USH2A: variants seen among roughly 807,000 people sequenced by gnomAD.
The protein encoded by USH2A is Usher syndrome 2A (autosomal recessive, mild).
Under a neutral mutation model 538.9 loss-of-function variants are expected in USH2A, and 443 were observed. The ratio of observed to expected loss-of-function variants is 0.82; its 90% CI spans 0.76 to 0.89. USH2A has a LOEUF of 0.89. Among genes scored for constraint, USH2A ranks in the 40% least tolerant of loss-of-function variants. USH2A has a pLI of 0.00. For synonymous variants in USH2A, 2,413 were observed against 2,273.5 expected (o/e 1.06, Z -1.75); for missense variants, 6,633 against 6,324.8 (o/e 1.05, Z -1.65).
At chr1:216,223,259 G>A (rs1022872820) in intron 14 of USH2A, among the ~76,000 whole-genome samples, 2 of 152,130 alleles carry the variant, frequency 1.3e-5, no homozygotes, top group African/African-American at 2.4e-5. Context: ...CTGATGTCCA[G>A]TTGCATGTTA....
At chr1:216,216,764 A>G (rs183573440) in intron 15 of USH2A, among the ~76,000 whole-genome samples, 1 of 152,308 alleles carries the variant, frequency 6.6e-6, no homozygotes, top group Admixed American at 6.5e-5. Flanking sequence ...AGATACTTAC[A>G]TGTAATCTTA....
intron 35 of USH2A, among the ~76,000 whole-genome samples, chr1:215,977,827 A>T (rs2102464198): frequency 6.6e-6 from 1 of 152,300 alleles, no homozygotes; most frequent in African/African-American, 2.4e-5. Flanking sequence ...AATTTAAAGT[A>T]ATTTAAAATA....
At chr1:216,039,256 T>A (rs932241463) in intron 32 of USH2A, among the ~76,000 whole-genome samples, 51 of 152,046 alleles carry the variant, frequency 3.4e-4, no homozygotes, top group Non-Finnish European at 4.1e-4. Context: ...TTCTGGAGTC[T>A]CTGGTCACAG....
intron 21 of USH2A, among the ~76,000 whole-genome samples, chr1:216,118,041 G>C (rs2033051033): frequency 6.6e-6 from 1 of 151,994 alleles, no homozygotes; most frequent in Non-Finnish European, 1.5e-5. Flanking sequence ...CTAGAGCCAA[G>C]CTTTCAAAAA....
At chr1:216,315,617 T>C (rs2037492309) in intron 9 of USH2A, among the ~76,000 whole-genome samples, 1 of 152,122 alleles carries the variant, frequency 6.6e-6, no homozygotes, top group South Asian at 2.1e-4. Flanking sequence ...ACACTTTTGA[T>C]GTAAAAAGAA....
At chr1:216,370,089 T>C (rs2038677023) in intron 3 of USH2A, among the ~76,000 whole-genome samples, 1 of 151,984 alleles carries the variant, frequency 6.6e-6, no homozygotes, top group African/African-American at 2.4e-5. Flanking sequence ...CCAGGCACAA[T>C]GGCGCGTGCC....
At chr1:216,073,893 A>G (rs1358141603) in intron 27 of USH2A, among the ~76,000 whole-genome samples, 1 of 152,234 alleles carries the variant, frequency 6.6e-6, no homozygotes, top group African/African-American at 2.4e-5. Flanking sequence ...ACATCAGCCT[A>G]CAGAAGAGCT....
intron 21 of USH2A, among the ~76,000 whole-genome samples, chr1:216,152,915 G>A (rs1415376447): frequency 6.6e-6 from 1 of 152,166 alleles, no homozygotes; most frequent in Admixed American, 6.5e-5. Context: ...GGCTCCATGA[G>A]CAGAAGAGCA....
chr1:216,240,549 G>GA (rs1255941155), intron 13 of USH2A, among the ~76,000 whole-genome samples: 1 of 149,866 alleles, frequency 6.7e-6, no homozygotes, highest in East Asian at 2.0e-4. Flanking sequence ...TAGAAAAGAA[G>GA]AAAGAATCTG....
Position 215,888,947 on chromosome 1 carries a change from T to C in USH2A, c.7702A>G (p.Ile2568Val), listed in dbSNP as rs1665140298. ...AAGTATAGACGGCCATGTAGATAAA[T>C]GTTATAATGGGTAATAACCCCATTG... The part of the protein sequence containing the change: ...KSNGVITHYN[I>V]YLHGRLYLRT... The change falls in exon 41 of 72, where the codon ATT becomes GTT. Residue 2568 changes from isoleucine to valine, a missense_variant. By Grantham distance (29) the Ile-to-Val change is conservative. Coordinates refer to ENST00000307340, the MANE Select transcript of USH2A (RefSeq NM_206933.4). 1.2e-6 allele frequency: 2 copies of C among 1,614,128 alleles called. No individual in the cohort carries two copies. The highest frequency in any genetic ancestry group is 2.2e-5 in the South Asian group (2 of 91,090).
intron 4 of USH2A, among the ~76,000 whole-genome samples, chr1:216,356,271 C>T (rs776890371): frequency 6.6e-6 from 1 of 151,906 alleles, no homozygotes; most frequent in African/African-American, 2.4e-5. Context: ...TCAAGACCAC[C>T]CTCTGTACTA....
intron 11 of USH2A, among the ~76,000 whole-genome samples, chr1:216,271,461 T>A (rs1314076776): frequency 6.6e-6 from 1 of 152,094 alleles, no homozygotes; most frequent in Non-Finnish European, 1.5e-5. Flanking sequence ...TACAGTGGCA[T>A]ATTTTCTGCA....
chr1:216,185,823 A>G (rs2034587798), intron 20 of USH2A, among the ~76,000 whole-genome samples: 1 of 151,954 alleles, frequency 6.6e-6, no homozygotes, highest in African/African-American at 2.4e-5. Flanking sequence ...TTGGAAAAAC[A>G]TTTAGAAATA....
chr1:215,875,039 A>G (rs1664721874), intron 43 of USH2A, among the ~76,000 whole-genome samples: 1 of 152,230 alleles, frequency 6.6e-6, no homozygotes, highest in African/African-American at 2.4e-5. Context: ...ACCAGCAGGA[A>G]CAAGGAGCCC....
intron 56 of USH2A, among the ~76,000 whole-genome samples, chr1:215,764,479 G>T (rs970486043): frequency 1.3e-5 from 2 of 152,082 alleles, no homozygotes; most frequent in African/African-American, 4.8e-5. Context: ...TTGACTAAAG[G>T]TACAGGTACA....
intron 44 of USH2A, among the ~76,000 whole-genome samples, chr1:215,846,707 G>T (rs1348104735): frequency 6.6e-6 from 1 of 152,096 alleles, no homozygotes; most frequent in African/African-American, 2.4e-5. Context: ...AGATGAAAAT[G>T]AAAGTATACA....
At chr1:216,334,991 A>G (rs747403453) in intron 4 of USH2A, among the ~76,000 whole-genome samples, 1 of 151,792 alleles carries the variant, frequency 6.6e-6, no homozygotes, top group Non-Finnish European at 1.5e-5. Flanking sequence ...CAACAACAAC[A>G]GAATACAAAC....
At chr1:216,118,803 T>C (rs2033066372) in intron 21 of USH2A, among the ~76,000 whole-genome samples, 1 of 152,240 alleles carries the variant, frequency 6.6e-6, no homozygotes, top group Admixed American at 6.5e-5. Flanking sequence ...GTTCATCCTG[T>C]CAGCCACCCA....
At chr1:215,688,099 C>T (rs1422182716) in intron 61 of USH2A, among the ~76,000 whole-genome samples, 1 of 147,602 alleles carries the variant, frequency 6.8e-6, no homozygotes, top group Non-Finnish European at 1.5e-5. Flanking sequence ...TTCTTGATTA[C>T]AAGGGCGGGT....
Sources: gnomAD v4.1 joint callset for allele counts (sites outside exome capture counted in the v4.1 genomes callset) on GRCh38, gnomAD v4.1.1 for gene constraint, MANE v1.5 for transcripts, NCBI Gene and HGNC (gene_info 2026-07-23, HGNC 2026-07-21) for gene names.